MRE11: variants seen among roughly 807,000 people sequenced by gnomAD.
The protein encoded by MRE11 is double-strand break repair protein MRE11.
MRE11 carries 62 observed loss-of-function variants against 91.7 expected under a neutral mutation model. The observed-to-expected ratio is 0.68, with a 90% confidence interval of 0.55 to 0.84. The LOEUF is 0.84. MRE11 is among the 40% of genes least tolerant of loss of function. MRE11 has a pLI of 0.00. For synonymous variants in MRE11, 273 were observed against 271.4 expected (o/e 1.01, Z -0.06); for missense variants, 796 against 852.9 (o/e 0.93, Z 0.83).
At chr11:94,512,151 G>T in the MRE11 span, among the ~76,000 whole-genome samples, 1 of 152,144 alleles carries the variant, frequency 6.6e-6, no homozygotes, top group Non-Finnish European at 1.5e-5. Context: ...GTCGGCTTGG[G>T]ACCAGACTTC....
chr11:94,437,809 C>T (rs7117042), intron 16 of MRE11, among the ~76,000 whole-genome samples: 17,903 of 152,088 alleles, frequency 0.12, 1,166 homozygotes, highest in South Asian at 0.18. Flanking sequence ...TTATCTTTCC[C>T]TTTCTTTTTC....
rs374380967 is a variant in MRE11, at chr11:94,425,368, A to G, written c.2070+4543T>C. On this transcript the variant is annotated intron_variant, in intron 19 of 19. Transcript: ENST00000323929. ...AATAGAGTGCTAAACATGGAAACAA[A>G]AAACCACCACCTACTACCACAAAAA... 6.6e-5 allele frequency among the ~76,000 whole-genome samples: 10 copies of G among 152,332 alleles called. No homozygotes were observed. In the East Asian group the frequency reaches 1.7e-3, roughly 26 times the overall value.
upstream of MRE11, chr11:94,497,035 C>A: frequency 6.5e-7 from 1 of 1,542,526 alleles, no homozygotes; most frequent in Non-Finnish European, 8.9e-7. Flanking sequence ...ACTGTTATGG[C>A]CATCATACCT....
At chr11:94,490,027 C>A (rs1947246201) in intron 3 of MRE11, among the ~76,000 whole-genome samples, 1 of 152,154 alleles carries the variant, frequency 6.6e-6, no homozygotes, top group Non-Finnish European at 1.5e-5. Flanking sequence ...GCATTCATTT[C>A]CTCTTTTCCA....
At position 94,478,788 on chromosome 11, in the gene MRE11, A is replaced by C. The variant is rs1200049038; in HGVS notation, c.491T>G (p.Ile164Ser). 1.2e-6 allele frequency: 2 copies of C among 1,613,740 alleles called. No individual in the cohort carries two copies. The highest frequency in any genetic ancestry group is 2.2e-5 in the East Asian group (1 of 44,828). The change falls in exon 6 of 20, where the codon ATT becomes AGT. Residue 164 changes from isoleucine (I) to serine (S), a missense_variant. Physicochemically the swap from Ile to Ser is moderately radical, Grantham distance 142. Transcript: ENST00000323929. ...GRSMSVEKID[I>S]SPVLLQKGST... ...TCCTTTTTGAAGCAAAACCGGACTA[A>C]TGTCTATCTTCTCCACAGACATTGA...
At chr11:94,509,286 G>A in the MRE11 span, among the ~76,000 whole-genome samples, 4 of 151,406 alleles carry the variant, frequency 2.6e-5, no homozygotes, top group Non-Finnish European at 5.9e-5. Context: ...GTATTTTTTT[G>A]GCTCTCAATG....
At chr11:94,479,831 A>G in intron 4 of MRE11, 70 bp from the exon 5 acceptor site, 1 of 1,231,134 alleles carries the variant, frequency 8.1e-7, no homozygotes, top group Non-Finnish European at 1.2e-6. Flanking sequence ...TTCTCCTCCA[A>G]AATATTAATG....
intron 14 of MRE11, among the ~76,000 whole-genome samples, chr11:94,449,684 GTACT>G (rs920555041): frequency 7.9e-5 from 12 of 152,180 alleles, no homozygotes; most frequent in African/African-American, 2.2e-4. Context: ...ATCATAGTGT[GTACT>G]TACACAAAGC....
At chr11:94,481,263 C>T (rs977531141) in intron 4 of MRE11, among the ~76,000 whole-genome samples, 44 of 151,972 alleles carry the variant, frequency 2.9e-4, no homozygotes, top group Non-Finnish European at 3.7e-4. Flanking sequence ...AAGCCGAGAT[C>T]GCGCCACTGC....
Position 94,437,228 on chromosome 11 carries a change from T to C in MRE11, c.1875A>G (p.Lys625=), listed in dbSNP as rs907660509. The part of the protein sequence containing the change: ...SRNMSIIDAF[K]STRQQPSRNV... The stretch of plus-strand genomic sequence containing the variant: ...TTCGGGAAGGCTGCTGTCTTGTAGA[T>C]TTAAAGGCTAGAATGAAAAAGATGA... The change falls in exon 17 of 20, where the codon AAA becomes AAG. Residue 625 remains lysine, a synonymous_variant. Coordinates refer to ENST00000323929, the MANE Select transcript of MRE11 (RefSeq NM_005591.4). 1 of 1,612,816 alleles carries C rather than the reference T, an allele frequency of 6.2e-7. No individual in the cohort carries two copies. Among genetic ancestry groups the C allele is most frequent in the South Asian group, 1.1e-5 (1 of 90,820 alleles).
Position 94,466,165 on chromosome 11 carries a change from C to G in MRE11, c.1098+1648G>C, listed in dbSNP as rs186467960. Among the ~76,000 whole-genome samples the G allele has an allele frequency of 1.1e-3, 174 of 152,212 alleles. 1 individual carries two copies. The highest frequency in any genetic ancestry group is 4.0e-3 in the African/African-American group (167 of 41,522). On this transcript the variant is annotated intron_variant, in intron 10 of 19. Transcript: ENST00000323929. ...AATAAACTCCACTGCACCCAGGGGA[C>G]GGCAGCTTTTTTGGTTTAGACCACA...
At chr11:94,491,826 G>A (rs1229570818) in intron 2 of MRE11, among the ~76,000 whole-genome samples, 3 of 152,042 alleles carry the variant, frequency 2.0e-5, no homozygotes, top group African/African-American at 2.4e-5. Flanking sequence ...TTCCACAAAC[G>A]ATTTCTCTTC....
At chr11:94,446,215 C>T (rs111848748) in intron 15 of MRE11, among the ~76,000 whole-genome samples, 5 of 152,266 alleles carry the variant, frequency 3.3e-5, no homozygotes, top group African/African-American at 1.2e-4. Flanking sequence ...CAAGACTAGC[C>T]TGGCCAACAT....
At chr11:94,440,559 A>G (rs1945751492) in intron 16 of MRE11, among the ~76,000 whole-genome samples, 1 of 152,174 alleles carries the variant, frequency 6.6e-6, no homozygotes, top group Non-Finnish European at 1.5e-5. Context: ...TCACTTTTCA[A>G]TTGGGAAAAT....
At position 94,417,170 on chromosome 11, in the gene MRE11, G is replaced by A. The variant is rs186975681; in HGVS notation, c.*2955C>T. On this transcript the variant is annotated 3_prime_UTR_variant, in exon 20 of 20. Coordinates refer to ENST00000323929, the MANE Select transcript of MRE11 (RefSeq NM_005591.4). ...CTTTTGTATTTTTAGTAGAGACGAG[G>A]TTTCACCATGTTGGCCAGGCTGGTC... is the stretch of plus-strand genomic sequence containing the variant. 257 of 168,002 alleles carry A rather than the reference G, an allele frequency of 1.5e-3. No individual in the cohort carries two copies. Among genetic ancestry groups the A allele is most frequent in the Non-Finnish European group, 2.7e-3 (208 of 77,226 alleles). 10.4% of individuals were successfully genotyped at this position (168,002 alleles called of 1,614,324 possible). A position where few individuals can be genotyped will look rare whatever the true frequency, so the allele number is the denominator to read the frequency against.
At chr11:94,488,056 G>T (rs1353690217) in intron 3 of MRE11, among the ~76,000 whole-genome samples, 2 of 152,172 alleles carry the variant, frequency 1.3e-5, no homozygotes, top group African/African-American at 4.8e-5. Context: ...GTTATGGGGG[G>T]TGGAACAGTT....
In MRE11 at chr11:94,459,389, A is replaced by G; in HGVS notation, c.1500+19T>C. ...ACAGACTATTTAAATAGACCTAGAC[A>G]CTCAAATTAGTTACTTACCTCCTCA... On this transcript the variant is annotated intron_variant, in intron 13 of 19. Coordinates refer to ENST00000323929, the MANE Select transcript of MRE11 (RefSeq NM_005591.4). 6.2e-7 allele frequency: 1 copy of G among 1,613,384 alleles called. No homozygotes were observed. The highest frequency in any genetic ancestry group is 8.5e-7 in the Non-Finnish European group (1 of 1,179,590).
chr11:94,512,341 T>C, the MRE11 span: 1 of 451,794 alleles, frequency 2.2e-6, no homozygotes, highest in Non-Finnish European at 3.6e-6. Context: ...TCAATGATAA[T>C]AATAACCCCA....
intron 17 of MRE11, among the ~76,000 whole-genome samples, chr11:94,436,243 T>C (rs978197432): frequency 2.6e-5 from 4 of 152,164 alleles, no homozygotes; most frequent in African/African-American, 9.7e-5. Flanking sequence ...CAGTGTTCCA[T>C]CTCCAACTTT....
Sources: allele counts gnomAD v4.1 joint callset (sites outside exome capture counted in the v4.1 genomes callset), GRCh38; gene constraint gnomAD v4.1.1; transcripts MANE v1.5; gene names NCBI Gene and HGNC (gene_info 2026-07-23, HGNC 2026-07-21).